The following AOPEP variants were observed in gnomAD, a reference collection of about 807,000 sequenced individuals.
AOPEP encodes the protein aminopeptidase O.
AOPEP carries 77 observed loss-of-function variants against 98.1 expected under a neutral mutation model. The observed-to-expected ratio is 0.78, with a 90% CI of 0.65 to 0.95. The LOEUF is 0.95. Ranked by LOEUF, AOPEP falls within the 40% of genes least tolerant of loss-of-function variation. The probability of loss-of-function intolerance (pLI) is 0.00; values close to 1 mark genes in which losing one functional copy is unlikely to be tolerated. For missense variants in AOPEP, 1,024 were observed against 1,024.7 expected (o/e 1.00, Z 0.01); for synonymous variants, 346 against 365.3 (o/e 0.95, Z 0.60).
intron 3 of AOPEP, among the ~76,000 whole-genome samples, chr9:94,786,464 T>C (rs916198261): frequency 6.6e-6 from 1 of 152,206 alleles, no homozygotes; most frequent in African/African-American, 2.4e-5. Flanking sequence ...TAGACAATCC[T>C]GAAATTATTT....
Position 94,977,700 on chromosome 9 carries a change from T to C in AOPEP, c.1917-1667T>C, listed in dbSNP as rs150954417. On this transcript the variant is annotated intron_variant, in intron 10 of 16. Coordinates refer to ENST00000375315, the MANE Select transcript of AOPEP (RefSeq NM_001193329.3). ...GCCATTTGCGCTGAAGCTGATGCTA[T>C]GAAAATGACCACTAAGAAGCAGTGG... Among the ~76,000 whole-genome samples, 53 of 152,200 alleles carry C rather than the reference T, an allele frequency of 3.5e-4. No individual in the cohort carries two copies. The South Asian group carries it at 3.7e-3, about 11-fold the overall frequency.
intron 3 of AOPEP, among the ~76,000 whole-genome samples, chr9:94,781,855 T>C (rs1379159547): frequency 1.3e-5 from 2 of 151,166 alleles, no homozygotes; most frequent in African/African-American, 2.4e-5. Flanking sequence ...AGTTTTATTT[T>C]TATAGAGTCT....
rs532879621 is a variant in AOPEP, at chr9:94,968,633, T to G, written c.1916+832T>G. On this transcript the variant is annotated intron_variant, in intron 10 of 16. Transcript: ENST00000375315. The stretch of plus-strand genomic sequence containing the variant: ...CTCAAGTGATCCACCCGCCTTGGCC[T>G]CCCAAAGTGCTGGGATTGCCACTTC... 1.5e-3 allele frequency among the ~76,000 whole-genome samples: 224 copies of G among 152,342 alleles called. 2 individuals carry two copies. The highest frequency in any genetic ancestry group is 5.2e-3 in the African/African-American group (217 of 41,588).
In AOPEP at chr9:94,885,348, C is replaced by CAAAAAA. The variant is rs71366268; in HGVS notation, c.1365-38601_1365-38596dup. On this transcript the variant is annotated intron_variant, in intron 5 of 16. Coordinates refer to ENST00000375315, the MANE Select transcript of AOPEP (RefSeq NM_001193329.3). ...TGGGTGACAGAGTGAGATCCTGTCT[C>CAAAAAA]AAAAAAAAAAAAAAAAAAAAAAAAA... 1.6e-3 allele frequency among the ~76,000 whole-genome samples: 57 copies of CAAAAAA among 35,988 alleles called. 8 individuals are homozygous for CAAAAAA. Among genetic ancestry groups the CAAAAAA allele is most frequent in the Admixed American group, 3.1e-3 (5 of 1,622 alleles). 23.6% of individuals were successfully genotyped at this position (35,988 alleles called of 152,430 possible).
At chr9:94,757,821 C>A (rs111849727) in intron 1 of AOPEP, among the ~76,000 whole-genome samples, 1 of 151,968 alleles carries the variant, frequency 6.6e-6, no homozygotes, top group Admixed American at 6.6e-5. Flanking sequence ...CAACAAAATA[C>A]TGTATGTTAG....
At chr9:94,782,214 AAAAG>A (rs1843450260) in intron 3 of AOPEP, among the ~76,000 whole-genome samples, 1 of 152,080 alleles carries the variant, frequency 6.6e-6, no homozygotes, top group South Asian at 2.1e-4. Flanking sequence ...CAAAAAAAGA[AAAAG>A]AAAATACTCT....
At chr9:95,030,093 A>G (rs1263691875) in intron 13 of AOPEP, among the ~76,000 whole-genome samples, 1 of 152,228 alleles carries the variant, frequency 6.6e-6, no homozygotes, top group African/African-American at 2.4e-5. Flanking sequence ...CAAGATAAGA[A>G]ATTTAACTTT....
chr9:95,077,999 A>G (rs1316231993), intron 14 of AOPEP, among the ~76,000 whole-genome samples: 1 of 151,906 alleles, frequency 6.6e-6, no homozygotes, highest in African/African-American at 2.4e-5. Flanking sequence ...ACATACACTT[A>G]GCTCTTTATA....
chr9:94,832,778 G>A (rs1266617344), intron 5 of AOPEP, among the ~76,000 whole-genome samples: 1 of 150,950 alleles, frequency 6.6e-6, no homozygotes, highest in Non-Finnish European at 1.5e-5. Flanking sequence ...TATGTTAAAT[G>A]TCAATTCCAT....
chr9:95,063,557 C>A (rs2067527792), intron 14 of AOPEP, among the ~76,000 whole-genome samples: 1 of 152,188 alleles, frequency 6.6e-6, no homozygotes, highest in African/African-American at 2.4e-5. Context: ...GGGATGGGCT[C>A]CCCCTGTGTT....
At position 94,823,537 on chromosome 9, in the gene AOPEP, G is replaced by A. The variant is rs374655064; in HGVS notation, c.1364+22535G>A. Among the ~76,000 whole-genome samples, 13 of 152,270 alleles carry A rather than the reference G, an allele frequency of 8.5e-5. No homozygotes were observed. In the East Asian group the frequency reaches 1.2e-3, roughly 14 times the overall value. On this transcript the variant is annotated intron_variant, in intron 5 of 16. Coordinates refer to ENST00000375315, the MANE Select transcript of AOPEP (RefSeq NM_001193329.3). ...ACCTCCTGTAGCTTGATTCTCTGGA[G>A]CATCTAATGAAGTCTCTTAACTGGC...
chr9:94,868,782 C>A (rs1160909598), intron 5 of AOPEP, among the ~76,000 whole-genome samples: 1 of 152,206 alleles, frequency 6.6e-6, no homozygotes, highest in Admixed American at 6.5e-5. Context: ...CCTCTCCCAG[C>A]AACCACTATA....
chr9:95,020,083 A>G (rs1055118681), intron 13 of AOPEP: 1 of 152,196 alleles, frequency 6.6e-6, no homozygotes, highest in Non-Finnish European at 1.5e-5. Flanking sequence ...TCCTTGTTTC[A>G]CATATGAGAA....
intron 2 of AOPEP, 178 bp downstream of exon 2, chr9:94,760,758 C>A: frequency 2.0e-6 from 1 of 490,086 alleles, no homozygotes; most frequent in Admixed American, 3.7e-5. Flanking sequence ...ATGCTAAACC[C>A]TTAATAGGAT....
chr9:94,933,917 T>A (rs924064759), intron 7 of AOPEP, among the ~76,000 whole-genome samples: 3 of 151,580 alleles, frequency 2.0e-5, no homozygotes, highest in African/African-American at 7.3e-5. Flanking sequence ...CACGGCTAAT[T>A]TTTTGTGTTT....
chr9:94,876,085 A>G (rs958028065), intron 5 of AOPEP, among the ~76,000 whole-genome samples: 84 of 152,222 alleles, frequency 5.5e-4, no homozygotes, highest in African/African-American at 1.9e-3. Flanking sequence ...GAGGCAATAT[A>G]GGCAGTTCAA....
intron 7 of AOPEP, among the ~76,000 whole-genome samples, chr9:94,929,053 A>G (rs2137013266): frequency 6.6e-6 from 1 of 152,190 alleles, no homozygotes; most frequent in East Asian, 1.9e-4. Context: ...GGCTTGTGGC[A>G]TGTGCAGGAT....
chr9:94,785,215 G>T (rs1488740997), intron 3 of AOPEP, among the ~76,000 whole-genome samples: 1 of 152,208 alleles, frequency 6.6e-6, no homozygotes, highest in South Asian at 2.1e-4. Context: ...GATTATAGGC[G>T]TGAGCCACTG....
chr9:94,926,034 C>G (rs570028878), intron 6 of AOPEP, among the ~76,000 whole-genome samples: 2 of 152,322 alleles, frequency 1.3e-5, no homozygotes, highest in South Asian at 4.2e-4. Context: ...GTGCCTCTAT[C>G]ACCATCTCTT....
Sources: allele counts gnomAD v4.1 joint callset (sites outside exome capture counted in the v4.1 genomes callset), GRCh38; gene constraint gnomAD v4.1.1; transcripts MANE v1.5; gene names NCBI Gene and HGNC (gene_info 2026-07-23, HGNC 2026-07-21).